The following ANGPT1 variants were observed in gnomAD, a reference collection of about 807,000 sequenced individuals.
ANGPT1 encodes the protein angiopoietin 1, also known as angiopoietin-1.
Under a neutral mutation model 62.2 loss-of-function variants are expected in ANGPT1, and 17 were observed. The ratio of observed to expected loss-of-function variants is 0.27; its 90% confidence interval spans 0.19 to 0.41. ANGPT1 has a LOEUF of 0.41. Ranked by LOEUF, ANGPT1 falls within the 10% of genes least tolerant of loss-of-function variation. The pLI is 1.00. For synonymous variants in ANGPT1, 199 were observed against 198.9 expected, an observed-to-expected ratio of 1.00 and a Z score of 0.00; for missense variants, 478 against 594.9, an observed-to-expected ratio of 0.80 and a Z score of 2.04.
intron 5 of ANGPT1, among the ~76,000 whole-genome samples, chr8:107,297,215 C>T (rs2130195038): frequency 6.6e-6 from 1 of 152,112 alleles, no homozygotes; most frequent in Non-Finnish European, 1.5e-5. Flanking sequence ...ACATATGCTT[C>T]CCAATTCTTA....
intron 5 of ANGPT1, 26 bp downstream of exon 5, chr8:107,303,213 CT>C: frequency 6.2e-7 from 1 of 1,605,590 alleles, no homozygotes; most frequent in Non-Finnish European, 8.5e-7. Context: ...TGGCTTACAT[CT>C]TGTAAACAAA....
At chr8:107,487,533 G>T (rs1168022798) in intron 1 of ANGPT1, among the ~76,000 whole-genome samples, 2 of 148,838 alleles carry the variant, frequency 1.3e-5, no homozygotes, top group African/African-American at 4.9e-5. Flanking sequence ...AAGCGGCCGT[G>T]CGTCATTCAT....
intron 8 of ANGPT1, among the ~76,000 whole-genome samples, chr8:107,263,745 C>T (rs536184100): frequency 1.3e-5 from 2 of 152,240 alleles, no homozygotes; most frequent in East Asian, 1.9e-4. Flanking sequence ...TTATGTAATG[C>T]AAAACTCTGG....
At chr8:107,266,937 CA>C in intron 7 of ANGPT1, among the ~76,000 whole-genome samples, 1 of 151,964 alleles carries the variant, frequency 6.6e-6, no homozygotes, top group East Asian at 1.9e-4. Context: ...AGAAGAAAAG[CA>C]AAAAGAAGAA....
At chr8:107,379,688 A>C (rs892816158) in intron 1 of ANGPT1, among the ~76,000 whole-genome samples, 1 of 152,104 alleles carries the variant, frequency 6.6e-6, no homozygotes, top group African/African-American at 2.4e-5. Context: ...TTATTGCCTT[A>C]TTTTGCATAT....
intron 7 of ANGPT1, among the ~76,000 whole-genome samples, chr8:107,265,424 C>T (rs1422032025): frequency 6.6e-6 from 1 of 152,204 alleles, no homozygotes; most frequent in African/African-American, 2.4e-5. Context: ...TCATATCCTT[C>T]TGGGCAACGT....
intron 1 of ANGPT1, among the ~76,000 whole-genome samples, chr8:107,394,959 A>AT (rs1452396411): frequency 1.3e-5 from 2 of 151,958 alleles, no homozygotes; most frequent in East Asian, 3.9e-4. Context: ...TGATCCAGTT[A>AT]TTTTTTTTAA....
chr8:107,270,739 G>T (rs1813715649), intron 7 of ANGPT1, among the ~76,000 whole-genome samples: 1 of 151,922 alleles, frequency 6.6e-6, no homozygotes, highest in Non-Finnish European at 1.5e-5. Context: ...GAAAATGCTA[G>T]AAAAATATAT....
In ANGPT1 at chr8:107,293,930, T is replaced by A; in HGVS notation, c.1038+6A>T. ...CCAAAAAGCACCATAAATTCTTGCA[T>A]CTTACCATTTTATATTCCTTCCAGC... On this transcript the variant is annotated splice_donor_region_variant and intron_variant, in intron 6 of 8. Coordinates refer to ENST00000517746, the MANE Select transcript of ANGPT1 (RefSeq NM_001146.5). The A allele has an allele frequency of 6.2e-7, 1 of 1,608,224 alleles. No individual in the cohort carries two copies. The highest frequency in any genetic ancestry group is 8.5e-7 in the Non-Finnish European group (1 of 1,176,230).
chr8:107,305,343 C>T (rs1290678559), intron 4 of ANGPT1, among the ~76,000 whole-genome samples: 1 of 151,906 alleles, frequency 6.6e-6, no homozygotes, highest in Non-Finnish European at 1.5e-5. Context: ...AAATGCTTCT[C>T]TTGTATATAC....
rs190522725 is a variant in ANGPT1, at chr8:107,453,428, G to A, written c.297+43834C>T. On this transcript the variant is annotated intron_variant, in intron 1 of 8. Transcript: ENST00000517746. ...CACAATTATGGTGGAAGGCAAGGAG[G>A]AGCAAGTCACATCTTACATGGATGG... Among the ~76,000 whole-genome samples the A allele has an allele frequency of 2.6e-5, 4 of 152,042 alleles. No homozygotes were observed. In the East Asian group the frequency reaches 7.8e-4, roughly 29 times the overall value.
intron 6 of ANGPT1, among the ~76,000 whole-genome samples, chr8:107,290,203 G>A (rs912612732): frequency 3.3e-5 from 5 of 152,098 alleles, no homozygotes; most frequent in African/African-American, 4.8e-5. Flanking sequence ...AATTACATGT[G>A]ATGGAAATCT....
intron 1 of ANGPT1, among the ~76,000 whole-genome samples, chr8:107,433,730 T>G (rs1811262881): frequency 6.6e-6 from 1 of 152,192 alleles, no homozygotes; most frequent in Admixed American, 6.5e-5. Context: ...TGTCTCTAAC[T>G]GAAGGTTTAA....
chr8:107,486,049 C>T (rs1812805541), intron 1 of ANGPT1, among the ~76,000 whole-genome samples: 1 of 152,162 alleles, frequency 6.6e-6, no homozygotes. Context: ...ACAGAGCCTA[C>T]AGTGCCACCG....
At chr8:107,427,951 C>T (rs2130395441) in intron 1 of ANGPT1, among the ~76,000 whole-genome samples, 1 of 152,300 alleles carries the variant, frequency 6.6e-6, no homozygotes, top group South Asian at 2.1e-4. Flanking sequence ...GGCTAGGCTC[C>T]CTGAAGGCGT....
intron 1 of ANGPT1, among the ~76,000 whole-genome samples, chr8:107,438,891 T>G (rs1156337706): frequency 1.3e-5 from 2 of 152,166 alleles, no homozygotes; most frequent in African/African-American, 4.8e-5. Flanking sequence ...TAAAACCATA[T>G]GTTATTTGAT....
intron 8 of ANGPT1, among the ~76,000 whole-genome samples, chr8:107,255,140 T>C (rs114719889): frequency 0.011 from 1,704 of 151,976 alleles, 29 homozygotes; most frequent in African/African-American, 0.039. Context: ...ATTGAGATGA[T>C]AGCCGTTAAA....
intron 1 of ANGPT1, among the ~76,000 whole-genome samples, chr8:107,354,476 C>G (rs1436699650): frequency 6.6e-6 from 1 of 152,028 alleles, no homozygotes; most frequent in Non-Finnish European, 1.5e-5. Context: ...TTTCTAATGA[C>G]TCATGAAGCT....
At chr8:107,471,632 T>G (rs1812361113) in intron 1 of ANGPT1, among the ~76,000 whole-genome samples, 1 of 152,240 alleles carries the variant, frequency 6.6e-6, no homozygotes, top group Admixed American at 6.6e-5. Context: ...TATTTCAGTA[T>G]GATTTTAAAG....
Sources: gnomAD v4.1 joint callset for allele counts (sites outside exome capture counted in the v4.1 genomes callset) on GRCh38, gnomAD v4.1.1 for gene constraint, MANE v1.5 for transcripts, NCBI Gene and HGNC (gene_info 2026-07-23, HGNC 2026-07-21) for gene names.